CFAP97: variants seen among roughly 807,000 people sequenced by gnomAD.
CFAP97 encodes the protein cilia and flagella associated protein 97, also known as cilia- and flagella-associated protein 97.
Under a neutral mutation model 43.1 loss-of-function variants are expected in CFAP97, and 36 were observed. The ratio of observed to expected loss-of-function variants is 0.84; its 90% CI spans 0.64 to 1.10. The LOEUF is 1.10. Among genes scored for constraint, CFAP97 ranks in the 50% least tolerant of loss-of-function variants. The probability of loss-of-function intolerance (pLI) is 0.00; values close to 1 mark genes in which losing one functional copy is unlikely to be tolerated. For synonymous variants in CFAP97, 228 were observed against 225.7 expected (o/e 1.01, Z -0.09); for missense variants, 657 against 620.3 (o/e 1.06, Z -0.63).
intron 3 of CFAP97, among the ~76,000 whole-genome samples, chr4:185,165,279 G>A (rs977015249): frequency 2.0e-5 from 3 of 152,054 alleles, no homozygotes; most frequent in African/African-American, 4.8e-5. Context: ...ATGGCGAAAC[G>A]CTATCTCCAT....
intron 1 of CFAP97, among the ~76,000 whole-genome samples, chr4:185,193,419 G>C (rs11132285): frequency 1.3e-5 from 2 of 152,116 alleles, no homozygotes; most frequent in Non-Finnish European, 2.9e-5. Flanking sequence ...GGCAAAGGCG[G>C]GTGGATCACA....
rs866613724 is a variant in CFAP97 at position 185,162,430 on chromosome 4, C to T, written c.*368G>A. ...TTTAGGAGCTGAGCTCATGGTATAA[C>T]ACTTATAAAGAAATGAAAATAACAC... On this transcript the variant is annotated 3_prime_UTR_variant, in exon 5 of 5. Coordinates refer to ENST00000458385, the MANE Select transcript of CFAP97 (RefSeq NM_020827.3). 2.7e-5 allele frequency: 6 copies of T among 225,760 alleles called. No homozygotes were observed. Among genetic ancestry groups the T allele is most frequent in the African/African-American group, 4.8e-5 (2 of 41,388 alleles). 14.0% of individuals were successfully genotyped at this position (225,760 alleles called of 1,614,324 possible).
At chr4:185,196,972 G>A (rs3108248) in intron 1 of CFAP97, among the ~76,000 whole-genome samples, 82,750 of 151,568 alleles carry the variant, frequency 0.55, 22,813 homozygotes, top group East Asian at 0.75. Flanking sequence ...GGTGGCAGGC[G>A]CCTGTAATCC....
At chr4:185,184,259 A>G (rs915226625) in intron 2 of CFAP97, among the ~76,000 whole-genome samples, 1 of 152,202 alleles carries the variant, frequency 6.6e-6, no homozygotes, top group African/African-American at 2.4e-5. Context: ...GAAGTTTGAG[A>G]AGCTCTCTTG....
At chr4:185,178,876 A>G (rs1735666482) in intron 2 of CFAP97, among the ~76,000 whole-genome samples, 1 of 152,102 alleles carries the variant, frequency 6.6e-6, no homozygotes, top group African/African-American at 2.4e-5. Context: ...TGCGGTGTTA[A>G]GGGAAATAGA....
chr4:185,169,740 C>T (rs1312446404), intron 3 of CFAP97: 1 of 985,234 alleles, frequency 1.0e-6, no homozygotes, highest in Non-Finnish European at 1.2e-6. Flanking sequence ...AAGCAAAGAC[C>T]TTGTAAGGAC....
At position 185,190,984 on chromosome 4, in the gene CFAP97, T is replaced by G; in HGVS notation, c.213A>C (p.Arg71Ser). The part of the protein sequence containing the change: ...ENYLTEKGNE[R>S]NVKFPPEHPV... ...GGTGTTCTGGGGGAAATTTCACGTT[T>G]CTTTCATTTCCCTTCTCAGTAAGAT... is the stretch of plus-strand genomic sequence containing the variant. The change falls in exon 2 of 5, where the codon AGA becomes AGC. Residue 71 changes from arginine (R) to serine (S), a missense_variant. Arg to Ser is a moderately radical substitution (Grantham distance 110). Coordinates refer to ENST00000458385, the MANE Select transcript of CFAP97 (RefSeq NM_020827.3). 1 of 1,613,798 alleles carries G rather than the reference T, an allele frequency of 6.2e-7. No individual in the cohort carries two copies. The highest frequency in any genetic ancestry group is 8.5e-7 in the Non-Finnish European group (1 of 1,179,760).
chr4:185,203,123 C>G (rs1459640882), intron 1 of CFAP97, among the ~76,000 whole-genome samples: 1 of 151,562 alleles, frequency 6.6e-6, no homozygotes, highest in African/African-American at 2.4e-5. Context: ...TCGCTTGAGC[C>G]CAGGAGTTGG....
chr4:185,166,368 G>A (rs754329485), intron 3 of CFAP97, among the ~76,000 whole-genome samples: 2 of 152,160 alleles, frequency 1.3e-5, no homozygotes, highest in African/African-American at 2.4e-5. Context: ...GAGTGCATTT[G>A]CTGTTTTGTC....
At chr4:185,210,176 G>A (rs1389341712), upstream of CFAP97, 8 of 984,846 alleles carry the variant, frequency 8.1e-6, no homozygotes, top group Non-Finnish European at 9.6e-6. This position sits in a 1 kb window ranked among gnomAD's most constrained non-coding sequence, Gnocchi z 4.4. Flanking sequence ...GTCTGCCGGA[G>A]CCCGCGCGCC....
At position 185,164,104 on chromosome 4, in the gene CFAP97, G is replaced by A. The variant is rs991297380; in HGVS notation, c.1396C>T (p.Arg466Cys). ...KRSEQLMDYH[R>C]NMGYLNSSPL... Reference sequence around the variant, plus strand: ...GATGAGTTGAGATAGCCCATATTGCGATGATAGTCCATCAGTTGTTCTGAA... The same window carrying A: ...GATGAGTTGAGATAGCCCATATTGCAATGATAGTCCATCAGTTGTTCTGAA... Residue 466 changes from arginine to cysteine, a missense_variant, in exon 4 of 5, where the codon CGC (arginine) becomes TGC (cysteine). Transcript: ENST00000458385. 8 of 1,613,794 alleles carry A rather than the reference G, an allele frequency of 5.0e-6. No individual in the cohort carries two copies. Among genetic ancestry groups the A allele is most frequent in the African/African-American group, 1.3e-5 (1 of 74,900 alleles).
intron 1 of CFAP97, among the ~76,000 whole-genome samples, chr4:185,196,626 T>C (rs1736557869): frequency 6.6e-6 from 1 of 152,080 alleles, no homozygotes; most frequent in South Asian, 2.1e-4. Context: ...CACTGATCTA[T>C]GGAGATAAAA....
intron 1 of CFAP97, among the ~76,000 whole-genome samples, chr4:185,192,733 CTTT>C (rs760026667): frequency 2.5e-5 from 2 of 81,412 alleles, no homozygotes; most frequent in African/African-American, 1.1e-4. Context: ...AATTGACCTT[CTTT>C]TTTTTTTTTT....
intron 1 of CFAP97, among the ~76,000 whole-genome samples, chr4:185,198,181 G>A (rs1736644214): frequency 6.6e-6 from 1 of 152,170 alleles, no homozygotes; most frequent in Non-Finnish European, 1.5e-5. Context: ...GGTGGCTCAC[G>A]CCTATAATCC....
At chr4:185,201,485 C>T (rs1432914573) in intron 1 of CFAP97, among the ~76,000 whole-genome samples, 2 of 152,186 alleles carry the variant, frequency 1.3e-5, no homozygotes, top group African/African-American at 4.8e-5. Flanking sequence ...CAGCACTCAG[C>T]ACCCTGATCA....
Position 185,183,279 on chromosome 4 carries a change from A to G in CFAP97, c.1054+6864T>C, listed in dbSNP as rs187092586. Among the ~76,000 whole-genome samples the G allele has an allele frequency of 2.1e-3, 325 of 152,308 alleles. 1 individual carries two copies. Among genetic ancestry groups the G allele is most frequent in the African/African-American group, 7.3e-3 (303 of 41,556 alleles). Reference sequence around the variant, plus strand: ...AACCTCTGTACTGAAGTCCGTGAAAATGTTTAAACTGAAAGGATGCAGAGA... The same window carrying G: ...AACCTCTGTACTGAAGTCCGTGAAAGTGTTTAAACTGAAAGGATGCAGAGA... On this transcript the variant is annotated intron_variant, in intron 2 of 4. Transcript: ENST00000458385.
chr4:185,193,022 G>A (rs1282108274), intron 1 of CFAP97, among the ~76,000 whole-genome samples: 1 of 151,878 alleles, frequency 6.6e-6, no homozygotes, highest in South Asian at 2.1e-4. Flanking sequence ...TTACAGGCGT[G>A]AGCCACCGCG....
intron 3 of CFAP97, among the ~76,000 whole-genome samples, chr4:185,166,025 G>C (rs1395448042): frequency 1.3e-5 from 2 of 152,180 alleles, no homozygotes; most frequent in East Asian, 3.8e-4. Flanking sequence ...CAGAACCACT[G>C]AGAACATCTT....
In CFAP97 at chr4:185,162,671, A is replaced by T; in HGVS notation, c.*127T>A. On this transcript the variant is annotated 3_prime_UTR_variant, in exon 5 of 5. Transcript: ENST00000458385. ...ATTTTGCACTGAATAACAATACATT[A>T]CAACTCACTGTTGTACACCTTCAAT... is the stretch of plus-strand genomic sequence containing the variant. The T allele has an allele frequency of 1.0e-6, 1 of 1,003,800 alleles. No individual in the cohort carries two copies. The highest frequency in any genetic ancestry group is 1.5e-6 in the Non-Finnish European group (1 of 682,584). 62.2% of individuals were successfully genotyped at this position (1,003,800 alleles called of 1,614,324 possible). A position where few individuals can be genotyped will look rare whatever the true frequency, so the allele number is the denominator to read the frequency against.
Sources: gnomAD v4.1 joint callset for allele counts (sites outside exome capture counted in the v4.1 genomes callset) on GRCh38, gnomAD v4.1.1 for gene constraint, Gnocchi (gnomAD v3.1) non-coding constraint, MANE v1.5 for transcripts, NCBI Gene and HGNC (gene_info 2026-07-23, HGNC 2026-07-21) for gene names.